Variants in USP45 observed in about 807,000 individuals in gnomAD.
USP45 encodes ubiquitin specific peptidase 45, also known as ubiquitin carboxyl-terminal hydrolase 45.
USP45 carries 89 observed loss-of-function variants against 95.8 expected under a neutral mutation model. That is an observed-to-expected ratio of 0.93 (90% CI 0.78 to 1.11). USP45 has a LOEUF of 1.11. Ranked by LOEUF, USP45 falls within the 50% of genes least tolerant of loss-of-function variation. The probability of loss-of-function intolerance (pLI) is 0.00; values close to 1 mark genes in which losing one functional copy is unlikely to be tolerated. For synonymous variants in USP45, 281 were observed against 316.2 expected, an observed-to-expected ratio of 0.89 and a Z score of 1.18; for missense variants, 898 against 942.5, an observed-to-expected ratio of 0.95 and a Z score of 0.62.
chr6:99,476,129 T>C lies in USP45; in HGVS notation c.933+14A>G, dbSNP rs1790789955. ...TCTTGAAGAGAATACATGATATACA[T>C]AAAGAAACCTGACCTTTGTTTCTTC... is the stretch of plus-strand genomic sequence containing the variant. On this transcript the variant is annotated intron_variant, in intron 9 of 17. Coordinates refer to ENST00000500704, the MANE Select transcript of USP45 (RefSeq NM_001346022.3). 1.2e-6 allele frequency: 2 copies of C among 1,609,374 alleles called. No individual in the cohort carries two copies. Among genetic ancestry groups the C allele is most frequent in the South Asian group, 1.1e-5 (1 of 90,692 alleles).
At chr6:99,466,126 C>T (rs930106519) in intron 11 of USP45, among the ~76,000 whole-genome samples, 3 of 152,088 alleles carry the variant, frequency 2.0e-5, no homozygotes, top group African/African-American at 7.2e-5. Flanking sequence ...AGTGATTCTC[C>T]TGCCTCAGCC....
In USP45 at chr6:99,432,721, G is replaced by A. The variant is rs897096030; in HGVS notation, c.*2995C>T. The A allele has an allele frequency of 2.6e-5, 4 of 152,446 alleles. No homozygotes were observed. Among genetic ancestry groups the A allele is most frequent in the African/African-American group, 9.7e-5 (4 of 41,396 alleles). The allele number at this position is 152,446 out of a possible 1,614,324, so 9.4% of individuals were successfully genotyped here. A position where few individuals can be genotyped will look rare whatever the true frequency, so the allele number is the denominator to read the frequency against. On this transcript the variant is annotated 3_prime_UTR_variant, in exon 18 of 18. Transcript: ENST00000500704. ...ATTTTATTGCACATATTTGGTTTAG[G>A]CTTATTTGATCAATACATGCAGAAA... is the stretch of plus-strand genomic sequence containing the variant.
chr6:99,455,051 C>T (rs536462121), intron 13 of USP45, among the ~76,000 whole-genome samples: 1 of 147,496 alleles, frequency 6.8e-6, no homozygotes. Context: ...GATCACACCA[C>T]TGCACTCCAG....
intron 9 of USP45, among the ~76,000 whole-genome samples, chr6:99,472,026 C>T (rs1053834646): frequency 3.3e-5 from 5 of 152,102 alleles, no homozygotes; most frequent in Non-Finnish European, 5.9e-5. Flanking sequence ...GCTGGGCTGC[C>T]TAAGATACTG....
upstream of USP45, among the ~76,000 whole-genome samples, chr6:99,517,509 A>C (rs1352518352): frequency 1.3e-5 from 2 of 151,246 alleles, no homozygotes; most frequent in Non-Finnish European, 2.9e-5. Context: ...GTCTCAGTTC[A>C]CTGCAACCTC....
intron 9 of USP45, among the ~76,000 whole-genome samples, chr6:99,471,290 T>C (rs775001728): frequency 8.5e-5 from 13 of 152,210 alleles, no homozygotes; most frequent in Non-Finnish European, 1.5e-4. Flanking sequence ...AAAAGAAAGA[T>C]ACATACTTTG....
chr6:99,472,561 A>G (rs1258534160), intron 9 of USP45, among the ~76,000 whole-genome samples: 1 of 152,084 alleles, frequency 6.6e-6, no homozygotes, highest in Non-Finnish European at 1.5e-5. Context: ...TGACCACCAC[A>G]TAGTAAACGT....
intron 13 of USP45, chr6:99,461,777 GCTT>G (rs1199075270): frequency 1.0e-6 from 1 of 982,988 alleles, no homozygotes; most frequent in African/African-American, 1.7e-5. Flanking sequence ...GATGCAAGGT[GCTT>G]CTATTACTGT....
intron 7 of USP45, among the ~76,000 whole-genome samples, chr6:99,484,196 G>C (rs957653846): frequency 1.3e-5 from 2 of 149,800 alleles, no homozygotes; most frequent in Non-Finnish European, 3.0e-5. Context: ...TTTAGACGAA[G>C]TCTCACTCTG....
At chr6:99,473,727 C>T (rs1042057855) in intron 9 of USP45, among the ~76,000 whole-genome samples, 9 of 147,116 alleles carry the variant, frequency 6.1e-5, no homozygotes, top group African/African-American at 2.3e-4. Flanking sequence ...TGCACTCCAG[C>T]CTGGATGACA....
chr6:99,498,211 C>G (rs1796703301), intron 5 of USP45, among the ~76,000 whole-genome samples: 1 of 152,112 alleles, frequency 6.6e-6, no homozygotes, highest in Non-Finnish European at 1.5e-5. Flanking sequence ...AGCAGAAACT[C>G]AGAGATATTA....
intron 8 of USP45, among the ~76,000 whole-genome samples, chr6:99,481,874 T>A (rs533346594): frequency 1.8e-4 from 27 of 152,304 alleles, no homozygotes; most frequent in African/African-American, 6.3e-4. Context: ...GCTAAAAACT[T>A]TTTAACTCTG....
At chr6:99,487,011 A>G (rs116104278) in intron 7 of USP45, among the ~76,000 whole-genome samples, 2,750 of 152,294 alleles carry the variant, frequency 0.018, 80 homozygotes, top group African/African-American at 0.063. Flanking sequence ...AGGGTGTCCT[A>G]GTAAGAGAGT....
intron 13 of USP45, among the ~76,000 whole-genome samples, chr6:99,455,847 A>T (rs920277607): frequency 6.7e-5 from 10 of 148,738 alleles, no homozygotes; most frequent in Admixed American, 2.7e-4. Flanking sequence ...AAAAAAAAAA[A>T]AGTTGGGGCA....
intron 13 of USP45, among the ~76,000 whole-genome samples, chr6:99,454,107 A>G (rs577722679): frequency 1.9e-3 from 283 of 152,330 alleles, no homozygotes; most frequent in African/African-American, 6.7e-3. Context: ...CAGTATGGTC[A>G]TGGTATAAAA....
At chr6:99,506,319 TAAAA>T (rs929823123) in intron 4 of USP45, among the ~76,000 whole-genome samples, 4 of 152,082 alleles carry the variant, frequency 2.6e-5, no homozygotes, top group Non-Finnish European at 4.4e-5. Context: ...AACTAGAAAA[TAAAA>T]AAACTTGTTT....
chr6:99,501,925 T>C (rs1258615596), intron 5 of USP45: 1 of 1,294,784 alleles, frequency 7.7e-7, no homozygotes, highest in East Asian at 5.6e-5. Context: ...TCAGGCCACA[T>C]TTGACAGTTT....
rs763321752 is a variant in USP45 at position 99,445,974 on chromosome 6, G to A, written c.1798C>T (p.Pro600Ser). 6.2e-7 allele frequency: 1 copy of A among 1,613,776 alleles called. No individual in the cohort carries two copies. The highest frequency in any genetic ancestry group is 8.5e-7 in the Non-Finnish European group (1 of 1,179,950). ...LEGKHLRSYS[P>S]QNAFQTLSQS... ...GAAAGGGTCTGAAAAGCATTTTGGG[G>A]ACTATAAGACCTCAAATGCTTCCCC... is the stretch of plus-strand genomic sequence containing the variant. Residue 600 changes from proline to serine, a missense_variant, in exon 14 of 18, where the codon CCC (proline) becomes TCC (serine). Transcript: ENST00000500704.
Position 99,488,669 on chromosome 6 carries a change from G to T in USP45, c.618+12C>A. The T allele has an allele frequency of 6.3e-7, 1 of 1,589,868 alleles. No homozygotes were observed. The highest frequency in any genetic ancestry group is 8.5e-7 in the Non-Finnish European group (1 of 1,171,858). On this transcript the variant is annotated intron_variant, in intron 6 of 17. Coordinates refer to ENST00000500704, the MANE Select transcript of USP45 (RefSeq NM_001346022.3). ...TCTTTTACATATTACAAAGCTTTCT[G>T]ATGACTCTTACCTGCATGACTGCAT...
Sources: gnomAD v4.1 joint callset for allele counts (sites outside exome capture counted in the v4.1 genomes callset) on GRCh38, gnomAD v4.1.1 for gene constraint, MANE v1.5 for transcripts, NCBI Gene and HGNC (gene_info 2026-07-23, HGNC 2026-07-21) for gene names.